Variants in WDR4 observed in about 807,000 individuals in gnomAD.
WDR4 encodes the protein WDR4 tRNA N7-guanosine methyltransferase non-catalytic subunit, also known as tRNA (guanine-N(7)-)-methyltransferase non-catalytic subunit WDR4.
Under a neutral mutation model 48.6 loss-of-function variants are expected in WDR4, and 47 were observed. The ratio of observed to expected loss-of-function variants is 0.97; its 90% CI spans 0.77 to 1.23. WDR4 has a LOEUF of 1.23. Ranked by LOEUF, WDR4 falls within the 50% of genes most tolerant of loss-of-function variation. WDR4 has a pLI of 0.00. For missense variants in WDR4, 606 were observed against 551.6 expected (o/e 1.10, Z -0.99); for synonymous variants, 268 against 230.0 (o/e 1.17, Z -1.49).
intron 1 of WDR4, among the ~76,000 whole-genome samples, chr21:42,877,771 G>A (rs893654552): frequency 3.9e-5 from 6 of 152,084 alleles, no homozygotes; most frequent in Admixed American, 1.3e-4. Context: ...CGGGCCGGGC[G>A]CGGTGGTTCA....
At chr21:42,854,252 C>T (rs1311754619) in intron 8 of WDR4, among the ~76,000 whole-genome samples, 5 of 152,252 alleles carry the variant, frequency 3.3e-5, no homozygotes, top group Admixed American at 1.3e-4. Context: ...AGCCCCGAGC[C>T]GGGAGTGAGG....
At chr21:42,854,203 T>C (rs907955418) in intron 8 of WDR4, among the ~76,000 whole-genome samples, 1 of 152,206 alleles carries the variant, frequency 6.6e-6, no homozygotes, top group Non-Finnish European at 1.5e-5. Context: ...TAAACCCACC[T>C]TGTCAGCACC....
At chr21:42,885,107 C>T in the WDR4 span, among the ~76,000 whole-genome samples, 8 of 152,128 alleles carry the variant, frequency 5.3e-5, no homozygotes, top group African/African-American at 1.2e-4. Context: ...GTGTGGGTCT[C>T]TCATTGAACT....
At chr21:42,847,312 C>G (rs970979216), downstream of WDR4, among the ~76,000 whole-genome samples, 1 of 152,144 alleles carries the variant, frequency 6.6e-6, no homozygotes, top group Non-Finnish European at 1.5e-5. Context: ...TAAATACACG[C>G]GGAGCTGGGT....
At chr21:42,860,824 CT>C (rs2058096936) in intron 5 of WDR4, among the ~76,000 whole-genome samples, 1 of 152,224 alleles carries the variant, frequency 6.6e-6, no homozygotes, top group Non-Finnish European at 1.5e-5. Context: ...AGGCACCACG[CT>C]GAGGGCTGCA....
the WDR4 span, among the ~76,000 whole-genome samples, chr21:42,888,701 T>A: frequency 1.4e-5 from 2 of 144,014 alleles, no homozygotes; most frequent in African/African-American, 5.0e-5. Context: ...GGTTTATAAT[T>A]TTTTTTTTTT....
At chr21:42,876,322 T>C (rs554517982) in intron 2 of WDR4, among the ~76,000 whole-genome samples, 43 of 151,434 alleles carry the variant, frequency 2.8e-4, no homozygotes, top group Non-Finnish European at 4.7e-4. Context: ...CAAGTGATTC[T>C]TGTGCCTCAG....
chr21:42,866,354 A>C (rs1385333004), intron 3 of WDR4, among the ~76,000 whole-genome samples: 1 of 152,222 alleles, frequency 6.6e-6, no homozygotes, highest in South Asian at 2.1e-4. Flanking sequence ...GCAGCAGCAC[A>C]GTAACAAAGC....
Position 42,853,464 on chromosome 21 carries a change from T to C in WDR4, c.975+105A>G, listed in dbSNP as rs983619908. On this transcript the variant is annotated intron_variant, in intron 9 of 10. Transcript: ENST00000398208. ...ACCCTGGGCCCCAGAAGTGGCTGAG[T>C]TGAAAGAGGCTTACCCATGGACCCA... The C allele has an allele frequency of 7.4e-5, 97 of 1,310,424 alleles. No homozygotes were observed. The African/African-American group carries it at 1.4e-3, about 19-fold the overall frequency. The allele number at this position is 1,310,424 out of a possible 1,614,324, so 81.2% of individuals were successfully genotyped here.
At chr21:42,859,329 A>T (rs1350017843) in intron 6 of WDR4, among the ~76,000 whole-genome samples, 2 of 152,170 alleles carry the variant, frequency 1.3e-5, no homozygotes, top group African/African-American at 2.4e-5. Flanking sequence ...CCCCTCCAAG[A>T]GTCAGAGAAG....
intron 9 of WDR4, 124 bp from the exon 10 acceptor site, chr21:42,852,448 C>G (rs2057858476): frequency 9.4e-7 from 1 of 1,068,676 alleles, no homozygotes; most frequent in East Asian, 2.6e-5. Context: ...CCTGGGGACC[C>G]CCATTCACCT....
At chr21:42,881,176 G>C (rs1164509901), upstream of WDR4, among the ~76,000 whole-genome samples, 1 of 152,168 alleles carries the variant, frequency 6.6e-6, no homozygotes, top group African/African-American at 2.4e-5. Flanking sequence ...AAAGTGCTGG[G>C]ATTACAGGCG....
intron 3 of WDR4, 39 bp downstream of exon 3, chr21:42,873,512 C>T: frequency 6.2e-7 from 1 of 1,609,972 alleles, no homozygotes; most frequent in African/African-American, 1.3e-5. Flanking sequence ...ATAAGGTGTG[C>T]ATTCGACATC....
chr21:42,848,031 G>C (rs1418793378), downstream of WDR4, among the ~76,000 whole-genome samples: 1 of 152,196 alleles, frequency 6.6e-6, no homozygotes, highest in Non-Finnish European at 1.5e-5. Flanking sequence ...AGAGAGGAGT[G>C]GGCCTCAGCT....
upstream of WDR4, among the ~76,000 whole-genome samples, chr21:42,881,538 C>G (rs963450589): frequency 6.6e-6 from 1 of 152,176 alleles, no homozygotes; most frequent in Non-Finnish European, 1.5e-5. Context: ...TTGCCTTTTT[C>G]TCTGCCCATC....
chr21:42,857,494 G>A (rs1043059550), intron 6 of WDR4, among the ~76,000 whole-genome samples: 6 of 152,146 alleles, frequency 3.9e-5, no homozygotes, highest in Admixed American at 6.5e-5. Context: ...CCAGACATCC[G>A]AGGAAAACCT....
intron 1 of WDR4, 50 bp from the exon 2 acceptor site, chr21:42,876,817 T>A (rs775444736): frequency 6.4e-7 from 1 of 1,557,922 alleles, no homozygotes; most frequent in Non-Finnish European, 8.7e-7. Flanking sequence ...TAGAGAGAAA[T>A]AACAAATTTT....
the WDR4 span, among the ~76,000 whole-genome samples, chr21:42,891,292 C>T: frequency 6.7e-4 from 101 of 150,938 alleles, 1 homozygote; most frequent in African/African-American, 1.1e-3. Flanking sequence ...TGCGCCACTG[C>T]ACTCTAGCCT....
At chr21:42,877,138 A>ATTTT (rs35841350) in intron 1 of WDR4, among the ~76,000 whole-genome samples, 11 of 97,366 alleles carry the variant, frequency 1.1e-4, no homozygotes, top group African/African-American at 3.8e-4. Flanking sequence ...CCTGGCCCTA[A>ATTTT]TTTTTTTTTT....
Sources: gnomAD v4.1 joint callset for allele counts (sites outside exome capture counted in the v4.1 genomes callset) on GRCh38, gnomAD v4.1.1 for gene constraint, MANE v1.5 for transcripts, NCBI Gene and HGNC (gene_info 2026-07-23, HGNC 2026-07-21) for gene names.